The following CNTNAP5 variants were observed in gnomAD, a reference collection of about 807,000 sequenced individuals.
CNTNAP5 encodes contactin associated protein family member 5.
In CNTNAP5, 72 loss-of-function variants were observed where a neutral mutation model predicts 150.2. The observed-to-expected ratio is 0.48, with a 90% CI of 0.40 to 0.58. CNTNAP5 has a LOEUF of 0.58. Ranked by LOEUF, CNTNAP5 falls within the 20% of genes least tolerant of loss-of-function variation. CNTNAP5 has a pLI of 0.00. For synonymous variants in CNTNAP5, 672 were observed against 619.8 expected (o/e 1.08, Z -1.25); for missense variants, 1,636 against 1,626.2 (o/e 1.01, Z -0.10).
intron 13 of CNTNAP5, among the ~76,000 whole-genome samples, chr2:124,676,158 CA>C (rs1342671830): frequency 6.6e-6 from 1 of 152,198 alleles, no homozygotes; most frequent in African/African-American, 2.4e-5. Context: ...TGCCCTGAAC[CA>C]ATAAGTCTTT....
At chr2:124,349,348 G>A (rs1191791710) in intron 3 of CNTNAP5, among the ~76,000 whole-genome samples, 1 of 152,174 alleles carries the variant, frequency 6.6e-6, no homozygotes, top group Non-Finnish European at 1.5e-5. Flanking sequence ...AATAAAAAAT[G>A]TTGTATTATA....
At chr2:124,027,087 C>T (rs72845435) in intron 1 of CNTNAP5, among the ~76,000 whole-genome samples, 2,456 of 152,320 alleles carry the variant, frequency 0.016, 32 homozygotes, top group South Asian at 0.03. Flanking sequence ...ATCATCCTCT[C>T]TAAGGGAGTA....
At chr2:124,317,122 G>C (rs1427680333) in intron 3 of CNTNAP5, among the ~76,000 whole-genome samples, 1 of 152,090 alleles carries the variant, frequency 6.6e-6, no homozygotes, top group African/African-American at 2.4e-5. Context: ...AGAATATGTG[G>C]CTATTTACAC....
intron 3 of CNTNAP5, among the ~76,000 whole-genome samples, chr2:124,416,168 A>G (rs1219518263): frequency 6.6e-6 from 1 of 152,170 alleles, no homozygotes; most frequent in Non-Finnish European, 1.5e-5. Context: ...ACTTCAGAGA[A>G]TAGCCTTAAC....
At chr2:124,457,545 A>G (rs750025335) in intron 6 of CNTNAP5, among the ~76,000 whole-genome samples, 37 of 152,232 alleles carry the variant, frequency 2.4e-4, no homozygotes, top group Middle Eastern at 3.4e-3. Flanking sequence ...TCTTTTTATT[A>G]ATCAACTTTT....
chr2:124,621,552 T>C lies in CNTNAP5; in HGVS notation c.1876+11632T>C, dbSNP rs75910071. On this transcript the variant is annotated intron_variant, in intron 12 of 23. Transcript: ENST00000682447. ...TAATGGAGTAGGTAGAAAGCTGCAA[T>C]TGAGGTCTCTCCAATATTTCTGCAC... 7.3e-3 allele frequency among the ~76,000 whole-genome samples: 1,113 copies of C among 152,312 alleles called. 5 individuals carry two copies. The highest frequency in any genetic ancestry group is 0.011 in the Admixed American group (175 of 15,296).
chr2:124,705,337 G>A (rs1679611584), intron 13 of CNTNAP5, among the ~76,000 whole-genome samples: 1 of 152,114 alleles, frequency 6.6e-6, no homozygotes. Flanking sequence ...AGACCAGCCT[G>A]GCCAACCTGA....
At chr2:124,605,572 T>A (rs1697084494) in intron 11 of CNTNAP5, among the ~76,000 whole-genome samples, 1 of 152,018 alleles carries the variant, frequency 6.6e-6, no homozygotes, top group Non-Finnish European at 1.5e-5. Context: ...ATCCCTGCAC[T>A]TTGGGAGGCT....
At chr2:124,763,915 C>G in intron 15 of CNTNAP5, 62 bp from the exon 16 acceptor site, 1 of 1,593,840 alleles carries the variant, frequency 6.3e-7, no homozygotes, top group East Asian at 2.2e-5. Flanking sequence ...TCCACATGTC[C>G]AGTGCTTTCC....
At chr2:124,150,923 G>A (rs1407667350) in intron 1 of CNTNAP5, among the ~76,000 whole-genome samples, 1 of 152,018 alleles carries the variant, frequency 6.6e-6, no homozygotes, top group Non-Finnish European at 1.5e-5. Flanking sequence ...GTGTGCTTTT[G>A]GCATATCCAA....
intron 13 of CNTNAP5, among the ~76,000 whole-genome samples, chr2:124,705,459 C>T (rs1440621231): frequency 1.3e-5 from 2 of 151,920 alleles, no homozygotes; most frequent in Admixed American, 6.6e-5. Context: ...ACCCGGGAGG[C>T]GGAGGTTGCA....
intron 2 of CNTNAP5, among the ~76,000 whole-genome samples, chr2:124,231,451 T>C (rs1238900260): frequency 1.3e-5 from 2 of 152,174 alleles, no homozygotes; most frequent in African/African-American, 4.8e-5. Flanking sequence ...TAGGTCTGTC[T>C]ACTTCACATT....
chr2:124,444,760 C>T (rs896751177), intron 5 of CNTNAP5, among the ~76,000 whole-genome samples: 5 of 152,312 alleles, frequency 3.3e-5, no homozygotes, highest in East Asian at 1.9e-4. Context: ...GGCACTCAGC[C>T]GCTGGAAGTC....
chr2:124,043,724 T>C (rs1294656611), intron 1 of CNTNAP5, among the ~76,000 whole-genome samples: 1 of 152,070 alleles, frequency 6.6e-6, no homozygotes, highest in African/African-American at 2.4e-5. Context: ...GAAGATTCAG[T>C]GAAGTTTACA....
At chr2:124,488,847 A>T (rs1294372250) in intron 7 of CNTNAP5, among the ~76,000 whole-genome samples, 1 of 152,174 alleles carries the variant, frequency 6.6e-6, no homozygotes, top group Non-Finnish European at 1.5e-5. Context: ...CTCCATATAC[A>T]CTTAAGAGAT....
At position 124,874,722 on chromosome 2, in the gene CNTNAP5, A is replaced by C. The variant is rs112852240; in HGVS notation, c.3436+4960A>C. Reference sequence around the variant, plus strand: ...TTTTTAAACATATGGAAACAGGTTAAAGTTTAGGTGGAAAAGAATTATAGT... The same window carrying C: ...TTTTTAAACATATGGAAACAGGTTACAGTTTAGGTGGAAAAGAATTATAGT... On this transcript the variant is annotated intron_variant, in intron 21 of 23. Transcript: ENST00000682447. 4.1e-3 allele frequency among the ~76,000 whole-genome samples: 621 copies of C among 152,156 alleles called. 3 individuals are homozygous for C. The highest frequency in any genetic ancestry group is 0.014 in the African/African-American group (577 of 41,546).
chr2:124,025,500 T>G lies in CNTNAP5; in HGVS notation c.-151T>G, dbSNP rs984006406. 1.5e-6 allele frequency: 1 copy of G among 647,050 alleles called. No individual in the cohort carries two copies. Among genetic ancestry groups the G allele is most frequent in the African/African-American group, 1.8e-5 (1 of 55,138 alleles). The allele number at this position is 647,050 out of a possible 1,614,324, so 40.1% of individuals were successfully genotyped here. A position where few individuals can be genotyped will look rare whatever the true frequency, so the allele number is the denominator to read the frequency against. On this transcript the variant is annotated 5_prime_UTR_variant, in exon 1 of 24. Transcript: ENST00000682447. ...CCCGCCACGGTTTCGGTGGAGCGTCTGGGCACGGGATGGAGTGAAAGAGCG... is the reference window on the plus strand; with the variant it reads ...CCCGCCACGGTTTCGGTGGAGCGTCGGGGCACGGGATGGAGTGAAAGAGCG...
intron 1 of CNTNAP5, among the ~76,000 whole-genome samples, chr2:124,029,230 TAAG>T (rs1239230626): frequency 6.6e-6 from 1 of 152,038 alleles, no homozygotes; most frequent in Non-Finnish European, 1.5e-5. Flanking sequence ...GCTCTTCAAA[TAAG>T]GAGATGAACT....
At chr2:124,028,921 G>C (rs1453412007) in intron 1 of CNTNAP5, among the ~76,000 whole-genome samples, 2 of 152,138 alleles carry the variant, frequency 1.3e-5, no homozygotes, top group African/African-American at 4.8e-5. Context: ...AGTATGGTAA[G>C]AGATGATTGC....
Sources: gnomAD v4.1 joint callset for allele counts (sites outside exome capture counted in the v4.1 genomes callset) on GRCh38, gnomAD v4.1.1 for gene constraint, MANE v1.5 for transcripts, NCBI Gene and HGNC (gene_info 2026-07-23, HGNC 2026-07-21) for gene names.